Variants in CADM2 observed in about 807,000 individuals in gnomAD.
The protein encoded by CADM2 is cell adhesion molecule 2.
In CADM2, 12 loss-of-function variants were observed where a neutral mutation model predicts 49.8. The observed-to-expected ratio is 0.24, with a 90% CI of 0.15 to 0.39. CADM2 has a LOEUF of 0.39. Among genes scored for constraint, CADM2 ranks in the 10% least tolerant of loss-of-function variants. The pLI, the probability that CADM2 is intolerant of heterozygous loss-of-function variation, is 1.00. For missense variants in CADM2, 378 were observed against 492.3 expected (o/e 0.77, Z 2.20); for synonymous variants, 214 against 175.4 (o/e 1.22, Z -1.74).
chr3:85,906,054 A>G (rs1393043213), intron 5 of CADM2, among the ~76,000 whole-genome samples: 2 of 152,174 alleles, frequency 1.3e-5, no homozygotes, highest in Non-Finnish European at 2.9e-5. Flanking sequence ...AAGAAGTCAC[A>G]CTTGCCTGCT....
intron 3 of CADM2, among the ~76,000 whole-genome samples, chr3:85,850,042 C>G (rs1489328279): frequency 2.6e-5 from 4 of 152,152 alleles, no homozygotes; most frequent in African/African-American, 9.7e-5. Flanking sequence ...ATATTTTACT[C>G]TTCGTTAACT....
intron 1 of CADM2, among the ~76,000 whole-genome samples, chr3:85,153,748 G>T (rs944792109): frequency 6.6e-6 from 1 of 152,120 alleles, no homozygotes; most frequent in Admixed American, 6.5e-5. Context: ...ATCTGAGAAC[G>T]GGCAGACTGC....
rs2066471031 is a variant in CADM2 at position 85,693,925 on chromosome 3, A to AG, written c.62-32596dup. 4.0e-5 allele frequency among the ~76,000 whole-genome samples: 6 copies of AG among 151,418 alleles called. No individual in the cohort carries two copies. The South Asian group carries it at 8.3e-4, about 21-fold the overall frequency. On this transcript the variant is annotated intron_variant, in intron 1 of 9. Coordinates refer to ENST00000383699, the MANE Select transcript of CADM2 (RefSeq NM_001167675.2). ...AAAAAAAAGAAAAAAGAAAAAAAAAAGAAAAGAAAAGAAAAATCAGAAGAA... is the reference window on the plus strand; with the variant it reads ...AAAAAAAAGAAAAAAGAAAAAAAAAAGGAAAAGAAAAGAAAAATCAGAAGAA...
At chr3:85,376,065 A>G (rs891328850) in intron 1 of CADM2, among the ~76,000 whole-genome samples, 2 of 152,170 alleles carry the variant, frequency 1.3e-5, no homozygotes, top group Admixed American at 6.6e-5. Context: ...TACTATTATT[A>G]TCAATTTAAC....
At chr3:85,605,255 A>G (rs1323414396) in intron 1 of CADM2, among the ~76,000 whole-genome samples, 1 of 152,112 alleles carries the variant, frequency 6.6e-6, no homozygotes, top group Non-Finnish European at 1.5e-5. Context: ...GAAGGACCTC[A>G]CAAAACTCAG....
chr3:85,570,437 A>G (rs1410922126), intron 1 of CADM2, among the ~76,000 whole-genome samples: 2 of 152,124 alleles, frequency 1.3e-5, no homozygotes, highest in African/African-American at 4.8e-5. Context: ...TTTTAAGGAG[A>G]TGAGCTAATG....
chr3:85,296,597 C>A (rs565354149), intron 1 of CADM2, among the ~76,000 whole-genome samples: 1 of 151,962 alleles, frequency 6.6e-6, no homozygotes, highest in African/African-American at 2.4e-5. Flanking sequence ...ATAAATGATA[C>A]CTTAGAGTCT....
chr3:85,938,113 A>G (rs1423468176), intron 7 of CADM2, among the ~76,000 whole-genome samples: 1 of 151,970 alleles, frequency 6.6e-6, no homozygotes, highest in Non-Finnish European at 1.5e-5. Context: ...TCTTCTAATC[A>G]TCTTAAATAA....
chr3:85,582,448 A>T (rs766754943), intron 1 of CADM2, among the ~76,000 whole-genome samples: 42 of 152,306 alleles, frequency 2.8e-4, no homozygotes, highest in Non-Finnish European at 5.1e-4. Context: ...GTATATGAGT[A>T]CTGTCTTAGT....
At chr3:85,967,726 A>G (rs1725642385) in intron 8 of CADM2, among the ~76,000 whole-genome samples, 1 of 151,600 alleles carries the variant, frequency 6.6e-6, no homozygotes, top group Non-Finnish European at 1.5e-5. Flanking sequence ...TAAATTATCC[A>G]GCAACGAAAC....
intron 1 of CADM2, among the ~76,000 whole-genome samples, chr3:85,077,124 CAGAATTATTAAT>C (rs1322203347): frequency 1.3e-5 from 2 of 152,086 alleles, no homozygotes; most frequent in Admixed American, 6.5e-5. Flanking sequence ...GAGAACATCT[CAGAATTATTAAT>C]AGATCAAAGT....
At chr3:85,290,782 A>C (rs1403701441) in intron 1 of CADM2, among the ~76,000 whole-genome samples, 1 of 152,180 alleles carries the variant, frequency 6.6e-6, no homozygotes, top group Non-Finnish European at 1.5e-5. Context: ...CCAAAAACCC[A>C]TCTGTACATC....
intron 1 of CADM2, among the ~76,000 whole-genome samples, chr3:85,573,157 TTTTATTTATTTATTTA>T (rs34809115): frequency 1.1e-3 from 160 of 139,582 alleles, no homozygotes; most frequent in Middle Eastern, 3.5e-3. Flanking sequence ...AACGTGCTTA[TTTTATTTATTTATTTA>T]TTTATTTATT....
At chr3:85,248,043 A>C in intron 1 of CADM2, among the ~76,000 whole-genome samples, 1 of 152,184 alleles carries the variant, frequency 6.6e-6, no homozygotes. Context: ...TCACTCAGAT[A>C]GATTGTGCAT....
At chr3:85,809,692 CTTCCTTCCTTCCTTCCTTCCTTCCTTCG>C (rs2072698048) in intron 3 of CADM2, among the ~76,000 whole-genome samples, 6 of 128,442 alleles carry the variant, frequency 4.7e-5, no homozygotes, top group African/African-American at 1.5e-4. Flanking sequence ...TCCTTCCTTC[CTTCCTTCCTTCCTTCCTTCCTTCCTTCG>C]TTCCTTCCCT....
intron 1 of CADM2, among the ~76,000 whole-genome samples, chr3:85,097,352 G>A (rs1310615154): frequency 1.3e-5 from 2 of 152,112 alleles, no homozygotes; most frequent in Non-Finnish European, 2.9e-5. Flanking sequence ...TGGCTGCATA[G>A]TATTCCATGG....
At chr3:85,476,416 T>TA (rs1248661043) in intron 1 of CADM2, among the ~76,000 whole-genome samples, 3 of 151,908 alleles carry the variant, frequency 2.0e-5, no homozygotes, top group Admixed American at 1.3e-4. Flanking sequence ...TTCTCCATTT[T>TA]AAAAAATGAT....
intron 1 of CADM2, among the ~76,000 whole-genome samples, chr3:85,337,609 C>A (rs2045125426): frequency 6.6e-6 from 1 of 151,312 alleles, no homozygotes; most frequent in Admixed American, 6.6e-5. Context: ...TAAACTGAAT[C>A]AAGCTCTCAT....
intron 3 of CADM2, among the ~76,000 whole-genome samples, chr3:85,856,641 T>TA (rs1198066629): frequency 2.0e-5 from 3 of 152,196 alleles, no homozygotes; most frequent in Non-Finnish European, 4.4e-5. Context: ...TTGGAAATGG[T>TA]AAAATGCAAA....
Sources: allele counts gnomAD v4.1 joint callset (sites outside exome capture counted in the v4.1 genomes callset), GRCh38; gene constraint gnomAD v4.1.1; transcripts MANE v1.5; gene names NCBI Gene and HGNC (gene_info 2026-07-23, HGNC 2026-07-21).